ERBB4: variants seen among roughly 807,000 people sequenced by gnomAD.
ERBB4 encodes receptor tyrosine-protein kinase erbB-4.
A neutral mutation model predicts 158.0 loss-of-function variants in ERBB4; 42 were observed. That is an observed-to-expected ratio of 0.27 (90% confidence interval 0.21 to 0.34). ERBB4 has a LOEUF of 0.34. Among genes scored for constraint, ERBB4 ranks in the 10% least tolerant of loss-of-function variants. The pLI is 1.00. For missense variants in ERBB4, 1,333 were observed against 1,624.1 expected (o/e 0.82, Z 3.08); for synonymous variants, 583 against 558.7 (o/e 1.04, Z -0.61).
intron 2 of ERBB4, among the ~76,000 whole-genome samples, chr2:212,121,272 C>T (rs2079739519): frequency 6.6e-6 from 1 of 152,186 alleles, no homozygotes; most frequent in Admixed American, 6.5e-5. Flanking sequence ...CGCTGTGTTG[C>T]ACAGGCTGGA....
At chr2:211,935,520 C>G (rs893894051) in intron 3 of ERBB4, among the ~76,000 whole-genome samples, 2 of 152,290 alleles carry the variant, frequency 1.3e-5, no homozygotes, top group African/African-American at 2.4e-5. Context: ...GGACTTAGAA[C>G]AGTGGCTCCC....
intron 2 of ERBB4, among the ~76,000 whole-genome samples, chr2:212,010,368 T>C (rs1002464869): frequency 3.3e-5 from 5 of 152,166 alleles, no homozygotes; most frequent in African/African-American, 1.2e-4. Flanking sequence ...ATTGTAATTA[T>C]TATTATTTTA....
intron 3 of ERBB4, among the ~76,000 whole-genome samples, chr2:211,820,678 C>G (rs930633076): frequency 1.3e-5 from 2 of 151,768 alleles, no homozygotes; most frequent in Non-Finnish European, 2.9e-5. Context: ...CACACACACA[C>G]AAAATCACAC....
intron 20 of ERBB4, among the ~76,000 whole-genome samples, chr2:211,439,307 A>G (rs16825003): frequency 0.053 from 8,058 of 152,210 alleles, 576 homozygotes; most frequent in African/African-American, 0.16. Context: ...TGTTGAAGAC[A>G]CAGTGAAATT....
At chr2:212,061,686 C>T (rs1230208037) in intron 2 of ERBB4, among the ~76,000 whole-genome samples, 1 of 151,342 alleles carries the variant, frequency 6.6e-6, no homozygotes, top group Non-Finnish European at 1.5e-5. Context: ...GGGTCCCAAA[C>T]ACCACATCAG....
intron 1 of ERBB4, among the ~76,000 whole-genome samples, chr2:212,195,602 C>A (rs997362281): frequency 2.6e-5 from 4 of 151,870 alleles, no homozygotes; most frequent in African/African-American, 7.3e-5. Context: ...TAAGAAAATT[C>A]TCTGGAACAT....
intron 1 of ERBB4, among the ~76,000 whole-genome samples, chr2:212,446,604 T>TATATATATATATATA (rs2092358428): frequency 7.3e-5 from 2 of 27,442 alleles, no homozygotes; most frequent in Non-Finnish European, 1.4e-4. Flanking sequence ...TATATATATA[T>TATATATATATATATA]ATATATATAT....
intron 3 of ERBB4, among the ~76,000 whole-genome samples, chr2:211,913,704 G>A (rs1229283537): frequency 1.3e-5 from 2 of 150,844 alleles, no homozygotes; most frequent in African/African-American, 2.4e-5. Context: ...TAGAGAGAGA[G>A]AGCAATAAAA....
chr2:211,766,131 C>T (rs2075544955), intron 4 of ERBB4, among the ~76,000 whole-genome samples: 1 of 152,142 alleles, frequency 6.6e-6, no homozygotes, highest in Admixed American at 6.5e-5. Flanking sequence ...ATTTTCTCTC[C>T]ATTTTTCTCC....
intron 3 of ERBB4, among the ~76,000 whole-genome samples, chr2:211,812,585 A>G (rs530156780): frequency 6.6e-6 from 1 of 152,364 alleles, no homozygotes; most frequent in East Asian, 1.9e-4. Flanking sequence ...GCTGTCAGAC[A>G]GGGACGTTTA....
intron 1 of ERBB4, among the ~76,000 whole-genome samples, chr2:212,153,878 C>T (rs1358718332): frequency 6.6e-6 from 1 of 152,000 alleles, no homozygotes; most frequent in South Asian, 2.1e-4. Flanking sequence ...GCTGTTCTAT[C>T]CCAGTTTTTT....
At chr2:211,901,596 GT>G (rs933368485) in intron 3 of ERBB4, among the ~76,000 whole-genome samples, 2 of 152,094 alleles carry the variant, frequency 1.3e-5, no homozygotes, top group African/African-American at 4.8e-5. Flanking sequence ...ACTTGCACAT[GT>G]TTATCCCATC....
At chr2:212,054,031 G>A (rs568639151) in intron 2 of ERBB4, among the ~76,000 whole-genome samples, 8 of 152,142 alleles carry the variant, frequency 5.3e-5, no homozygotes, top group South Asian at 2.1e-4. Context: ...TTTTGAGGCC[G>A]TGGCGTCTAC....
chr2:211,746,087 A>C (rs1305583445), intron 5 of ERBB4, among the ~76,000 whole-genome samples: 1 of 152,208 alleles, frequency 6.6e-6, no homozygotes, highest in Admixed American at 6.5e-5. Context: ...TTTAAAATGG[A>C]AATATTTAAT....
intron 9 of ERBB4, among the ~76,000 whole-genome samples, chr2:211,709,175 T>TTTATTTATTATTTATTATTTA (rs1214264782): frequency 1.3e-5 from 2 of 150,654 alleles, no homozygotes; most frequent in African/African-American, 4.9e-5. Context: ...TTTTATTGCA[T>TTTATTTATTATTTATTATTTA]TTATTTATTA....
chr2:212,209,297 CT>C (rs1186037601), intron 1 of ERBB4, among the ~76,000 whole-genome samples: 1 of 152,064 alleles, frequency 6.6e-6, no homozygotes, highest in South Asian at 2.1e-4. Flanking sequence ...ATGCATATTA[CT>C]TTTTTCATCT....
intron 1 of ERBB4, among the ~76,000 whole-genome samples, chr2:212,391,833 T>C (rs2090883270): frequency 6.9e-6 from 1 of 144,838 alleles, no homozygotes. Flanking sequence ...AGAAGTTATA[T>C]ATGGTACATG....
intron 1 of ERBB4, among the ~76,000 whole-genome samples, chr2:212,178,475 G>A (rs1457939474): frequency 6.6e-6 from 1 of 151,710 alleles, no homozygotes; most frequent in Non-Finnish European, 1.5e-5. Flanking sequence ...ATATCTGGGG[G>A]CATTAGAGTG....
chr2:212,232,666 C>T (rs1301493012), intron 1 of ERBB4, among the ~76,000 whole-genome samples: 2 of 152,164 alleles, frequency 1.3e-5, no homozygotes, highest in Non-Finnish European at 2.9e-5. Flanking sequence ...CCTCGGCTTC[C>T]CAAAGTGCTG....
Sources: gnomAD v4.1 joint callset for allele counts (sites outside exome capture counted in the v4.1 genomes callset) on GRCh38, gnomAD v4.1.1 for gene constraint, MANE v1.5 for transcripts, NCBI Gene and HGNC (gene_info 2026-07-23, HGNC 2026-07-21) for gene names.